The following NOVA1 variants were observed in gnomAD, a reference collection of about 807,000 sequenced individuals.
NOVA1 encodes the protein RNA-binding protein Nova-1.
Under a neutral mutation model 38.0 loss-of-function variants are expected in NOVA1, and 7 were observed. That is an observed-to-expected ratio of 0.18 (90% CI 0.10 to 0.35). The LOEUF (loss-of-function observed/expected upper bound fraction) is 0.35. Among genes scored for constraint, NOVA1 ranks in the 10% least tolerant of loss-of-function variants. The pLI, the probability that NOVA1 is intolerant of heterozygous loss-of-function variation, is 1.00. For missense variants in NOVA1, 460 were observed against 616.0 expected (o/e 0.75, Z 2.68); for synonymous variants, 270 against 232.5 (o/e 1.16, Z -1.47).
chr14:26,523,674 G>C (rs1889066196), intron 2 of NOVA1, among the ~76,000 whole-genome samples: 1 of 148,712 alleles, frequency 6.7e-6, no homozygotes, highest in Non-Finnish European at 1.5e-5. Context: ...AGAGAAATTT[G>C]AATTGCATAT....
chr14:26,502,739 T>C (rs1278666416), intron 2 of NOVA1, among the ~76,000 whole-genome samples: 1 of 151,856 alleles, frequency 6.6e-6, no homozygotes, highest in East Asian at 1.9e-4. Context: ...GTAAATAAAA[T>C]ATTTTGACAA....
chr14:26,462,913 A>T (rs1281350541), intron 4 of NOVA1, among the ~76,000 whole-genome samples: 1 of 152,326 alleles, frequency 6.6e-6, no homozygotes, highest in South Asian at 2.1e-4. Flanking sequence ...ATATTTTAAA[A>T]ACAAAGTAGA....
intron 2 of NOVA1, chr14:26,549,262 GA>G (rs1278886132): frequency 2.0e-5 from 3 of 148,992 alleles, no homozygotes; most frequent in Admixed American, 6.7e-5. Flanking sequence ...AACTCCAAAA[GA>G]AAGTATTAAA....
Position 26,460,529 on chromosome 14 carries a change from T to C in NOVA1, c.520-11566A>G, listed in dbSNP as rs1007193080. On this transcript the variant is annotated intron_variant, in intron 4 of 4. Coordinates refer to ENST00000539517, the MANE Select transcript of NOVA1 (RefSeq NM_002515.3). ...ACGTTTTCTTTTTCAAAAATATTTT[T>C]AAAGAGTAATTGAATAAGAAATATG... Among the ~76,000 whole-genome samples the C allele has an allele frequency of 3.9e-5, 6 of 152,140 alleles. No individual in the cohort carries two copies. In the East Asian group the frequency reaches 1.2e-3, roughly 29 times the overall value.
At chr14:26,555,134 T>C (rs760137830) in intron 2 of NOVA1, among the ~76,000 whole-genome samples, 2 of 152,114 alleles carry the variant, frequency 1.3e-5, no homozygotes, top group African/African-American at 2.4e-5. Flanking sequence ...ACTTTCAATA[T>C]TCATGTTGCA....
chr14:26,504,595 C>T (rs1282665144), intron 2 of NOVA1, among the ~76,000 whole-genome samples: 2 of 152,008 alleles, frequency 1.3e-5, no homozygotes, highest in East Asian at 1.9e-4. Flanking sequence ...CTAGAGAACA[C>T]CTATATTATG....
chr14:26,525,979 C>A (rs1360375594), intron 2 of NOVA1, among the ~76,000 whole-genome samples: 1 of 151,978 alleles, frequency 6.6e-6, no homozygotes, highest in African/African-American at 2.4e-5. Flanking sequence ...AGACAAAATT[C>A]TTTCCACCTG....
chr14:26,525,574 T>C (rs1461427632), intron 2 of NOVA1, among the ~76,000 whole-genome samples: 2 of 152,186 alleles, frequency 1.3e-5, no homozygotes, highest in Non-Finnish European at 2.9e-5. Context: ...GAAATCATAT[T>C]CACCCATTTA....
intron 2 of NOVA1, among the ~76,000 whole-genome samples, chr14:26,568,094 G>C (rs1892246146): frequency 6.6e-6 from 1 of 152,172 alleles, no homozygotes; most frequent in Admixed American, 6.5e-5. Flanking sequence ...AATATATTAA[G>C]ATAATAAGAG....
At chr14:26,488,768 T>C (rs2138341608) in intron 2 of NOVA1, among the ~76,000 whole-genome samples, 1 of 152,278 alleles carries the variant, frequency 6.6e-6, no homozygotes, top group Admixed American at 6.5e-5. Context: ...AAATAGAGAT[T>C]TGCTGACTTG....
chr14:26,470,388 A>G (rs562448182), intron 4 of NOVA1: 1 of 1,515,268 alleles, frequency 6.6e-7, no homozygotes, highest in East Asian at 2.3e-5. Context: ...CAAAGTATTA[A>G]TAATATGAAA....
chr14:26,514,232 C>T (rs1344325845), intron 2 of NOVA1, among the ~76,000 whole-genome samples: 1 of 151,610 alleles, frequency 6.6e-6, no homozygotes, highest in Non-Finnish European at 1.5e-5. Context: ...TTGACTCTCA[C>T]ATTATCTTTT....
At chr14:26,536,978 T>C (rs1286564730) in intron 2 of NOVA1, among the ~76,000 whole-genome samples, 1 of 152,136 alleles carries the variant, frequency 6.6e-6, no homozygotes, top group Non-Finnish European at 1.5e-5. Flanking sequence ...GAATACTCAA[T>C]GTCTTAAAAT....
chr14:26,493,115 G>C (rs1240294343), intron 2 of NOVA1, among the ~76,000 whole-genome samples: 1 of 151,876 alleles, frequency 6.6e-6, no homozygotes, highest in African/African-American at 2.4e-5. Context: ...ACACAATGGA[G>C]TATCTTATTA....
intron 2 of NOVA1, among the ~76,000 whole-genome samples, chr14:26,534,953 G>A (rs1342811293): frequency 6.6e-6 from 1 of 152,182 alleles, no homozygotes; most frequent in Non-Finnish European, 1.5e-5. Context: ...CAGACCTGTT[G>A]AGGCTTGATT....
intron 2 of NOVA1, among the ~76,000 whole-genome samples, chr14:26,541,543 C>T: frequency 6.8e-6 from 1 of 147,456 alleles, no homozygotes; most frequent in Admixed American, 6.9e-5. Flanking sequence ...ATCACTTTTC[C>T]TATTTTATAA....
chr14:26,519,913 T>G (rs930367323), intron 2 of NOVA1, among the ~76,000 whole-genome samples: 2 of 151,602 alleles, frequency 1.3e-5, no homozygotes, highest in African/African-American at 4.9e-5. Flanking sequence ...TAATGAAGAA[T>G]GGGGTACATT....
chr14:26,552,731 T>C (rs528289475), intron 2 of NOVA1, among the ~76,000 whole-genome samples: 19 of 152,166 alleles, frequency 1.2e-4, no homozygotes, highest in Admixed American at 1.1e-3. Flanking sequence ...ATTTAAGGTA[T>C]GAAAATTAGT....
chr14:26,582,718 C>G (rs1156480835), intron 2 of NOVA1, among the ~76,000 whole-genome samples: 3 of 151,734 alleles, frequency 2.0e-5, no homozygotes, highest in Non-Finnish European at 4.4e-5. Flanking sequence ...ATAAGTCAAT[C>G]AGCCAGATAG....
Sources: allele counts gnomAD v4.1 joint callset (sites outside exome capture counted in the v4.1 genomes callset), GRCh38; gene constraint gnomAD v4.1.1; transcripts MANE v1.5; gene names NCBI Gene and HGNC (gene_info 2026-07-23, HGNC 2026-07-21).